Variants in SLC5A10 observed in about 807,000 individuals in gnomAD.
The protein encoded by SLC5A10 is solute carrier family 5 member 10, also known as sodium/mannose cotransporter SLC5A10.
SLC5A10 carries 55 observed loss-of-function variants against 68.9 expected under a neutral mutation model. That is an observed-to-expected ratio of 0.80 (90% CI 0.64 to 1.00). The LOEUF is 1.00. SLC5A10 is among the 50% of genes least tolerant of loss of function. The pLI, the probability that SLC5A10 is intolerant of heterozygous loss-of-function variation, is 0.00. For missense variants in SLC5A10, 732 were observed against 819.3 expected, an observed-to-expected ratio of 0.89 and a Z score of 1.30; for synonymous variants, 344 against 344.8, an observed-to-expected ratio of 1.00 and a Z score of 0.02.
At chr17:19,011,603 G>A (rs903117814) in intron 9 of SLC5A10, among the ~76,000 whole-genome samples, 2 of 152,076 alleles carry the variant, frequency 1.3e-5, no homozygotes, top group African/African-American at 4.8e-5. Flanking sequence ...CAGGAGGCTG[G>A]GGAGGAGCAT....
chr17:18,989,969 G>A (rs1315764891), intron 9 of SLC5A10, among the ~76,000 whole-genome samples: 1 of 152,230 alleles, frequency 6.6e-6, no homozygotes, highest in Non-Finnish European at 1.5e-5. Context: ...GGACAGCGGA[G>A]GTGTGGGACC....
chr17:18,991,880 G>A (rs374502446), intron 9 of SLC5A10, among the ~76,000 whole-genome samples: 1 of 152,212 alleles, frequency 6.6e-6, no homozygotes, highest in Non-Finnish European at 1.5e-5. Flanking sequence ...AACCCAGGAG[G>A]CCCAATGCCC....
chr17:18,970,966 G>A (rs2042826336), intron 7 of SLC5A10, 47 bp from the exon 8 acceptor site: 1 of 1,585,500 alleles, frequency 6.3e-7, no homozygotes, highest in African/African-American at 1.3e-5. Flanking sequence ...AGGGAGTCAG[G>A]GCCCCGCAAC....
At chr17:18,958,859 A>T in intron 2 of SLC5A10, 106 bp downstream of exon 2, 1 of 1,338,784 alleles carries the variant, frequency 7.5e-7, no homozygotes, top group Non-Finnish European at 1.1e-6. Flanking sequence ...AATTCAGTGG[A>T]GCAGGCCGGA....
At position 19,000,399 on chromosome 17, in the gene SLC5A10, T is replaced by C. The variant is rs1165934376; in HGVS notation, c.983-13011T>C. On this transcript the variant is annotated intron_variant, in intron 9 of 14. Transcript: ENST00000395645. The surrounding 1 kb of genome is among the most constrained non-coding windows in gnomAD (Gnocchi z 5.2). ...GGATGACCGGGGCTTGGAGAGGAGC[T>C]GGGGCTTGTTCCAGGTCCCACAGTC... Among the ~76,000 whole-genome samples the C allele has an allele frequency of 1.3e-5, 2 of 152,174 alleles. No individual in the cohort carries two copies. The highest frequency in any genetic ancestry group is 4.8e-5 in the African/African-American group (2 of 41,426).
In SLC5A10 at chr17:19,003,817, G is replaced by C. The variant is rs2152143388; in HGVS notation, c.983-9593G>C. ...TGCCCCGAGGGTCCTCAGAGCCCGG[G>C]TCGTACACCTCGATGGTCTCCAGGA... On this transcript the variant is annotated intron_variant, in intron 9 of 14. Coordinates refer to ENST00000395645, the MANE Select transcript of SLC5A10 (RefSeq NM_001042450.4). The surrounding 1 kb of genome is among the most constrained non-coding windows in gnomAD (Gnocchi z 4.5). 2 of 1,612,902 alleles carry C rather than the reference G, an allele frequency of 1.2e-6. No individual in the cohort carries two copies. Among genetic ancestry groups the C allele is most frequent in the East Asian group, 4.5e-5 (2 of 44,824 alleles).
At position 19,003,988 on chromosome 17, in the gene SLC5A10, G is replaced by A; in HGVS notation, c.983-9422G>A. ...AGAAGAACTCAGGCTTGGACTCGCTGGAGCGCCAGTTCACATGGTTGTCGT... is the reference window on the plus strand; with the variant it reads ...AGAAGAACTCAGGCTTGGACTCGCTAGAGCGCCAGTTCACATGGTTGTCGT... On this transcript the variant is annotated intron_variant, in intron 9 of 14. Transcript: ENST00000395645. The surrounding 1 kb of genome is among the most constrained non-coding windows in gnomAD (Gnocchi z 4.5). 6.2e-7 allele frequency: 1 copy of A among 1,612,210 alleles called. No individual in the cohort carries two copies. The highest frequency in any genetic ancestry group is 8.5e-7 in the Non-Finnish European group (1 of 1,179,550).
chr17:19,009,686 A>G (rs2043973916), intron 9 of SLC5A10, among the ~76,000 whole-genome samples: 1 of 152,146 alleles, frequency 6.6e-6, no homozygotes, highest in Admixed American at 6.5e-5. Flanking sequence ...GGAGGGAATC[A>G]TTCACTCAGT....
chr17:18,988,542 G>C, intron 9 of SLC5A10: 1 of 1,463,174 alleles, frequency 6.8e-7, no homozygotes, highest in Non-Finnish European at 9.2e-7. Context: ...CCTACTCCTG[G>C]AGCCTCAGGC....
intron 10 of SLC5A10, 108 bp from the exon 11 acceptor site, chr17:19,014,940 AG>A (rs1183984161): frequency 7.5e-7 from 1 of 1,329,712 alleles, no homozygotes; most frequent in East Asian, 2.3e-5. Context: ...TCTGCCTTGG[AG>A]GAGCATGCAA....
chr17:18,977,977 A>T, intron 9 of SLC5A10: 1 of 1,582,512 alleles, frequency 6.3e-7, no homozygotes, highest in South Asian at 1.1e-5. Context: ...TCTCGGGGTC[A>T]TCCTGGGTCA....
chr17:19,013,281 C>T, intron 9 of SLC5A10, 129 bp from the exon 10 acceptor site: 1 of 1,466,738 alleles, frequency 6.8e-7, no homozygotes, highest in Non-Finnish European at 9.1e-7. Flanking sequence ...AGGCCCAAGG[C>T]CAAATGGTAA....
At chr17:18,970,748 C>T (rs1265851163) in intron 7 of SLC5A10, 2 of 491,768 alleles carry the variant, frequency 4.1e-6, no homozygotes, top group African/African-American at 1.9e-5. Flanking sequence ...TCCTGCTGGG[C>T]CAGCGGGACA....
intron 1 of SLC5A10, among the ~76,000 whole-genome samples, chr17:18,957,345 C>T (rs1289479791): frequency 6.6e-6 from 1 of 152,184 alleles, no homozygotes; most frequent in Non-Finnish European, 1.5e-5. Flanking sequence ...TTCTATACTC[C>T]CCGTAAACCA....
In SLC5A10 at chr17:19,020,331, G is replaced by C. The variant is rs754947128; in HGVS notation, c.1691G>C (p.Gly564Ala). Reference protein sequence around the residue: ...DVPLGTKAGDGQTPQKHAFWA... With the variant: ...DVPLGTKAGDAQTPQKHAFWA... Reference sequence around the variant, plus strand: ...CTTCTGCAACCCCCTCCAGGTGATGGCCAAACACCCCAGAAACACGCCTTC... The same window carrying C: ...CTTCTGCAACCCCCTCCAGGTGATGCCCAAACACCCCAGAAACACGCCTTC... Residue 564 changes from glycine to alanine, a missense_variant, in exon 15 of 15, where the codon GGC becomes GCC. Gly to Ala is a moderately conservative substitution (Grantham distance 60, BLOSUM62 0). Coordinates refer to ENST00000395645, the MANE Select transcript of SLC5A10 (RefSeq NM_001042450.4). 6.2e-7 allele frequency: 1 copy of C among 1,614,102 alleles called. No individual in the cohort carries two copies. The highest frequency in any genetic ancestry group is 1.7e-5 in the Admixed American group (1 of 60,014).
chr17:18,959,951 G>A (rs1810161777), intron 4 of SLC5A10, among the ~76,000 whole-genome samples: 1 of 152,088 alleles, frequency 6.6e-6, no homozygotes. Flanking sequence ...ATCCAGCTGG[G>A]CACATAGGCT....
intron 9 of SLC5A10, among the ~76,000 whole-genome samples, chr17:18,999,013 C>T (rs2043647145): frequency 6.6e-6 from 1 of 152,234 alleles, no homozygotes; most frequent in African/African-American, 2.4e-5. Flanking sequence ...GGCACGGTGG[C>T]TCATGCCTGT....
intron 9 of SLC5A10, chr17:18,978,428 G>A (rs375654515): frequency 1.3e-6 from 2 of 1,597,094 alleles, no homozygotes; most frequent in Non-Finnish European, 1.7e-6. Context: ...CTCCACCCAC[G>A]TGGGCAGGTA....
At chr17:18,961,890 C>T (rs535239933) in intron 5 of SLC5A10, among the ~76,000 whole-genome samples, 6 of 152,124 alleles carry the variant, frequency 3.9e-5, no homozygotes, top group African/African-American at 9.7e-5. Context: ...TCTCATCCTT[C>T]GTGTGGGCAG....
Sources: allele counts gnomAD v4.1 joint callset (sites outside exome capture counted in the v4.1 genomes callset), GRCh38; gene constraint gnomAD v4.1.1; non-coding constraint Gnocchi (gnomAD v3.1); transcripts MANE v1.5; gene names NCBI Gene and HGNC (gene_info 2026-07-23, HGNC 2026-07-21).